Variants in TBC1D22A observed in about 807,000 individuals in gnomAD.
TBC1D22A encodes the protein TBC1 domain family member 22A, also known as putative GTPase activator.
In TBC1D22A, 38 loss-of-function variants were observed where a neutral mutation model predicts 60.2. The observed-to-expected ratio is 0.63, with a 90% CI of 0.49 to 0.83. TBC1D22A has a LOEUF of 0.83. TBC1D22A is among the 40% of genes least tolerant of loss of function. The pLI, the probability that TBC1D22A is intolerant of heterozygous loss-of-function variation, is 0.00. For missense variants in TBC1D22A, 628 were observed against 701.0 expected, an observed-to-expected ratio of 0.90 and a Z score of 1.18; for synonymous variants, 302 against 281.7, an observed-to-expected ratio of 1.07 and a Z score of -0.72.
chr22:46,948,716 G>A (rs1470619973), intron 8 of TBC1D22A, among the ~76,000 whole-genome samples: 1 of 152,232 alleles, frequency 6.6e-6, no homozygotes, highest in African/African-American at 2.4e-5. Context: ...AGAAAGAAAT[G>A]ATAGTTGCTG....
intron 4 of TBC1D22A, among the ~76,000 whole-genome samples, chr22:46,805,272 C>G (rs950441585): frequency 2.6e-5 from 4 of 152,248 alleles, no homozygotes; most frequent in Non-Finnish European, 5.9e-5. Flanking sequence ...CTGTGTTCTT[C>G]AGCGGTGAGT....
chr22:47,141,265 T>A (rs565463825), intron 12 of TBC1D22A, among the ~76,000 whole-genome samples: 6 of 152,228 alleles, frequency 3.9e-5, no homozygotes, highest in African/African-American at 1.4e-4. Context: ...CATGTGGGGA[T>A]TGTGGGAGCT....
At chr22:46,823,748 C>T (rs1214448682) in intron 4 of TBC1D22A, among the ~76,000 whole-genome samples, 1 of 152,246 alleles carries the variant, frequency 6.6e-6, no homozygotes, top group East Asian at 1.9e-4. Flanking sequence ...TTCTCCGGAA[C>T]TCTTGATGTA....
intron 8 of TBC1D22A, among the ~76,000 whole-genome samples, chr22:46,933,545 C>T (rs2071471544): frequency 6.6e-6 from 1 of 152,176 alleles, no homozygotes. Context: ...TCTTCTTCCT[C>T]TCCTGAGTCT....
At chr22:46,882,249 A>G (rs1450987985) in intron 5 of TBC1D22A, among the ~76,000 whole-genome samples, 1 of 152,216 alleles carries the variant, frequency 6.6e-6, no homozygotes, top group Non-Finnish European at 1.5e-5. Context: ...TGCAGTCCAC[A>G]GAGTGCCTAC....
chr22:46,999,214 T>C lies in TBC1D22A; in HGVS notation c.1201+1505T>C, dbSNP rs563153625. Among the ~76,000 whole-genome samples the C allele has an allele frequency of 2.0e-4, 30 of 152,376 alleles. No individual in the cohort carries two copies. The South Asian group carries it at 5.8e-3, about 29-fold the overall frequency. On this transcript the variant is annotated intron_variant, in intron 10 of 12. Coordinates refer to ENST00000337137, the MANE Select transcript of TBC1D22A (RefSeq NM_014346.5). The stretch of plus-strand genomic sequence containing the variant: ...GTGCTGTGGTTCAGAAAGAAGCACA[T>C]TGCGGATTCGCTGGATGATTGTTTA...
chr22:47,058,659 A>C (rs549087397), intron 11 of TBC1D22A, among the ~76,000 whole-genome samples: 1 of 152,156 alleles, frequency 6.6e-6, no homozygotes, highest in African/African-American at 2.4e-5. Context: ...GGCAGGGCTC[A>C]GAGAGATGTC....
chr22:46,895,962 C>T (rs763861757), intron 7 of TBC1D22A, among the ~76,000 whole-genome samples: 12 of 152,136 alleles, frequency 7.9e-5, no homozygotes, highest in African/African-American at 9.7e-5. Flanking sequence ...CCCAGACGGC[C>T]GCTACCAAAT....
intron 12 of TBC1D22A, among the ~76,000 whole-genome samples, chr22:47,134,831 A>G (rs1051541081): frequency 2.0e-5 from 3 of 152,226 alleles, no homozygotes; most frequent in African/African-American, 7.2e-5. Flanking sequence ...TGGGGGGTTC[A>G]GCAGGGAGAC....
intron 7 of TBC1D22A, among the ~76,000 whole-genome samples, chr22:46,896,644 T>C (rs2068692185): frequency 6.6e-6 from 1 of 152,194 alleles, no homozygotes; most frequent in African/African-American, 2.4e-5. Flanking sequence ...CACATTCATA[T>C]AGATCTGTGT....
intron 4 of TBC1D22A, among the ~76,000 whole-genome samples, chr22:46,829,211 G>T (rs1003779424): frequency 2.6e-5 from 4 of 152,132 alleles, no homozygotes; most frequent in African/African-American, 7.2e-5. Flanking sequence ...GTAATCAAAC[G>T]CATTGTTTCA....
chr22:47,167,228 C>T (rs1242233226), intron 12 of TBC1D22A, among the ~76,000 whole-genome samples: 1 of 152,182 alleles, frequency 6.6e-6, no homozygotes, highest in Non-Finnish European at 1.5e-5. Context: ...CAGGTAACAC[C>T]CAGGCAGGTG....
At chr22:46,883,213 G>A (rs1214227786) in intron 5 of TBC1D22A, among the ~76,000 whole-genome samples, 1 of 152,162 alleles carries the variant, frequency 6.6e-6, no homozygotes, top group African/African-American at 2.4e-5. Context: ...TGTTTTTGCA[G>A]TTTATTGAGG....
chr22:47,098,779 G>A (rs1029586031), intron 11 of TBC1D22A, among the ~76,000 whole-genome samples: 1 of 152,196 alleles, frequency 6.6e-6, no homozygotes, highest in Admixed American at 6.5e-5. Context: ...TCCTGCCCTC[G>A]CTGGGCTGAG....
intron 8 of TBC1D22A, among the ~76,000 whole-genome samples, chr22:46,972,148 TG>T (rs2074089919): frequency 6.6e-6 from 1 of 152,174 alleles, no homozygotes; most frequent in Non-Finnish European, 1.5e-5. Context: ...CTGTGGACAA[TG>T]GTGTCCTTCA....
chr22:47,078,178 G>T (rs2064307222), intron 11 of TBC1D22A, among the ~76,000 whole-genome samples: 1 of 152,182 alleles, frequency 6.6e-6, no homozygotes. Flanking sequence ...GGATGAGCAG[G>T]CTATCACTTG....
intron 8 of TBC1D22A, among the ~76,000 whole-genome samples, chr22:46,962,155 C>T (rs1426018971): frequency 6.6e-6 from 1 of 152,202 alleles, no homozygotes; most frequent in Non-Finnish European, 1.5e-5. Flanking sequence ...GGCTTCTGCC[C>T]AGGATCGGTG....
intron 10 of TBC1D22A, among the ~76,000 whole-genome samples, chr22:47,011,207 C>T (rs1033534032): frequency 6.6e-6 from 1 of 152,194 alleles, no homozygotes; most frequent in Non-Finnish European, 1.5e-5. Flanking sequence ...TCCTCCCTAC[C>T]TACTTGGGCA....
intron 12 of TBC1D22A, among the ~76,000 whole-genome samples, chr22:47,129,460 A>T (rs1397218852): frequency 6.6e-6 from 1 of 152,242 alleles, no homozygotes; most frequent in African/African-American, 2.4e-5. Context: ...CTGGTGACAG[A>T]GTGAGACTCC....
Sources: allele counts gnomAD v4.1 joint callset (sites outside exome capture counted in the v4.1 genomes callset), GRCh38; gene constraint gnomAD v4.1.1; transcripts MANE v1.5; gene names NCBI Gene and HGNC (gene_info 2026-07-23, HGNC 2026-07-21).